The following ADAMTSL1 variants were observed in gnomAD, a reference collection of about 807,000 sequenced individuals.
The protein encoded by ADAMTSL1 is ADAMTS like 1, also known as ADAMTS-like protein 1.
ADAMTSL1 carries 126 observed loss-of-function variants against 201.8 expected under a neutral mutation model. The ratio of observed to expected loss-of-function variants is 0.62; its 90% CI spans 0.54 to 0.72. The LOEUF (loss-of-function observed/expected upper bound fraction) is 0.72. ADAMTSL1 is among the 30% of genes least tolerant of loss of function. The pLI is 0.00. For synonymous variants in ADAMTSL1, 1,121 were observed against 903.4 expected, an observed-to-expected ratio of 1.24 and a Z score of -4.32; for missense variants, 2,679 against 2,277.8, an observed-to-expected ratio of 1.18 and a Z score of -3.59.
chr9:18,851,387 A>T (rs778918892), intron 23 of ADAMTSL1, among the ~76,000 whole-genome samples: 1 of 152,210 alleles, frequency 6.6e-6, no homozygotes, highest in African/African-American at 2.4e-5. Context: ...TTCTATTTCC[A>T]TCTAGCTGTT....
intron 1 of ADAMTSL1, among the ~76,000 whole-genome samples, chr9:18,005,086 C>T (rs546726555): frequency 8.0e-4 from 122 of 152,148 alleles, no homozygotes; most frequent in African/African-American, 2.9e-3. Flanking sequence ...CGTGCTCTGA[C>T]GGTAGCTTAC....
At chr9:18,314,920 C>T (rs375172497) in intron 2 of ADAMTSL1, among the ~76,000 whole-genome samples, 1 of 149,938 alleles carries the variant, frequency 6.7e-6, no homozygotes, top group Admixed American at 6.6e-5. Flanking sequence ...CCTCAGCCTC[C>T]CGAGTAGCTG....
intron 23 of ADAMTSL1, among the ~76,000 whole-genome samples, chr9:18,845,168 T>A (rs955020405): frequency 3.9e-5 from 6 of 152,206 alleles, no homozygotes; most frequent in Admixed American, 3.3e-4. Context: ...GCTGTTCCTA[T>A]TCGGCCATCT....
chr9:18,874,008 T>A (rs935804441), intron 23 of ADAMTSL1, among the ~76,000 whole-genome samples: 3 of 152,188 alleles, frequency 2.0e-5, no homozygotes, highest in Admixed American at 6.5e-5. Context: ...GTCTTTCACC[T>A]CCTTGGTTAG....
intron 15 of ADAMTSL1, among the ~76,000 whole-genome samples, chr9:18,749,590 C>T (rs1302438972): frequency 1.3e-5 from 2 of 152,140 alleles, no homozygotes; most frequent in African/African-American, 2.4e-5. Context: ...GCCCCCAGGC[C>T]GGCTCTGCCT....
rs1043084273 is a variant in ADAMTSL1 at position 18,586,629 on chromosome 9, C to T, written c.474+12363C>T. On this transcript the variant is annotated intron_variant, in intron 4 of 28. Coordinates refer to ENST00000380548, the MANE Select transcript of ADAMTSL1 (RefSeq NM_001040272.6). The stretch of plus-strand genomic sequence containing the variant: ...TCATATGGAATTTTAAAAAGAGCCC[C>T]ATAGTCAAGGCAATCCTAGACAAAA... Among the ~76,000 whole-genome samples, 9 of 152,078 alleles carry T rather than the reference C, an allele frequency of 5.9e-5. No homozygotes were observed. The South Asian group carries it at 1.0e-3, about 18-fold the overall frequency.
chr9:18,576,828 T>TG (rs911742757), intron 4 of ADAMTSL1, among the ~76,000 whole-genome samples: 6 of 152,132 alleles, frequency 3.9e-5, no homozygotes, highest in Non-Finnish European at 7.4e-5. Context: ...GGTACTTTAT[T>TG]TTTTTTTCAA....
rs997653280 is a variant in ADAMTSL1 at position 18,328,800 on chromosome 9, C to A, written c.207+164819C>A. Among the ~76,000 whole-genome samples, 10 of 152,224 alleles carry A rather than the reference C, an allele frequency of 6.6e-5. No homozygotes were observed. The East Asian group carries it at 1.7e-3, about 26-fold the overall frequency. ...TAATAGAAGCACATGGGAAGCAACT[C>A]CAGAAAGGGTCACTGACCCTGGAGG... On this transcript the variant is annotated intron_variant, in intron 2 of 29. Transcript: ENST00000680146.
chr9:18,534,678 A>T (rs1587486218), intron 3 of ADAMTSL1, among the ~76,000 whole-genome samples: 1 of 152,192 alleles, frequency 6.6e-6, no homozygotes, highest in Admixed American at 6.5e-5. Flanking sequence ...TTGCCTGGAC[A>T]TCCAGGCATT....
intron 2 of ADAMTSL1, among the ~76,000 whole-genome samples, chr9:18,221,273 C>A (rs1337421911): frequency 6.6e-6 from 1 of 152,076 alleles, no homozygotes; most frequent in Non-Finnish European, 1.5e-5. Flanking sequence ...TGACCAAGTG[C>A]AAATTTATTT....
rs1420086622 is a variant in ADAMTSL1, at chr9:18,837,179, C to T, written c.4249+7202C>T. 3.3e-5 allele frequency among the ~76,000 whole-genome samples: 5 copies of T among 152,312 alleles called. No homozygotes were observed. The East Asian group carries it at 9.6e-4, about 29-fold the overall frequency. ...TCTTTTAGCATTGTATTTAAGAAATCTTTGCCTACTTCTGTCTCAAAGACG... is the reference window on the plus strand; with the variant it reads ...TCTTTTAGCATTGTATTTAAGAAATTTTTGCCTACTTCTGTCTCAAAGACG... On this transcript the variant is annotated intron_variant, in intron 23 of 28. Coordinates refer to ENST00000380548, the MANE Select transcript of ADAMTSL1 (RefSeq NM_001040272.6).
intron 23 of ADAMTSL1, among the ~76,000 whole-genome samples, chr9:18,885,108 G>A (rs1212938744): frequency 6.6e-6 from 1 of 152,122 alleles, no homozygotes; most frequent in East Asian, 1.9e-4. Flanking sequence ...TTGTCTCTCA[G>A]TCCATTTTGT....
chr9:17,921,215 G>A (rs902854101), intron 1 of ADAMTSL1, among the ~76,000 whole-genome samples: 1 of 152,074 alleles, frequency 6.6e-6, no homozygotes, highest in East Asian at 1.9e-4. Flanking sequence ...TTAAATTTAC[G>A]TAGATTTTGA....
intron 1 of ADAMTSL1, among the ~76,000 whole-genome samples, chr9:17,981,663 G>C (rs1818705795): frequency 6.6e-6 from 1 of 152,118 alleles, no homozygotes; most frequent in Non-Finnish European, 1.5e-5. Context: ...TATACTTATG[G>C]ATTGAGGTTT....
chr9:18,511,549 G>A (rs1007347108), intron 2 of ADAMTSL1, among the ~76,000 whole-genome samples: 3 of 151,986 alleles, frequency 2.0e-5, no homozygotes, highest in Non-Finnish European at 2.9e-5. Flanking sequence ...TATTCCAAAG[G>A]CATGTGGCTG....
chr9:18,805,209 C>A (rs1398848100), intron 20 of ADAMTSL1, among the ~76,000 whole-genome samples: 1 of 152,188 alleles, frequency 6.6e-6, no homozygotes, highest in Non-Finnish European at 1.5e-5. Context: ...CTTTTAAGCT[C>A]TCCGCATCTG....
At chr9:18,545,817 G>T (rs895488617) in intron 3 of ADAMTSL1, among the ~76,000 whole-genome samples, 1 of 152,156 alleles carries the variant, frequency 6.6e-6, no homozygotes, top group Admixed American at 6.5e-5. Context: ...CCTTGGCAAG[G>T]CCCTACGGAA....
chr9:18,841,616 C>T (rs1825719565), intron 23 of ADAMTSL1, among the ~76,000 whole-genome samples: 1 of 152,156 alleles, frequency 6.6e-6, no homozygotes, highest in South Asian at 2.1e-4. Context: ...GGAATGGTAC[C>T]AGTTCCTTCT....
chr9:18,772,654 A>G (rs1224362205), intron 17 of ADAMTSL1, among the ~76,000 whole-genome samples: 1 of 152,208 alleles, frequency 6.6e-6, no homozygotes, highest in Non-Finnish European at 1.5e-5. Flanking sequence ...GAAATTAAAT[A>G]TAATTTAATA....
Sources: gnomAD v4.1 joint callset for allele counts (sites outside exome capture counted in the v4.1 genomes callset) on GRCh38, gnomAD v4.1.1 for gene constraint, MANE v1.5 for transcripts, NCBI Gene and HGNC (gene_info 2026-07-23, HGNC 2026-07-21) for gene names.